TYW3: variants seen among roughly 807,000 people sequenced by gnomAD.
The protein encoded by TYW3 is tRNA-yW synthesizing protein 3 homolog.
Under a neutral mutation model 23.1 loss-of-function variants are expected in TYW3, and 26 were observed. The ratio of observed to expected loss-of-function variants is 1.13; its 90% confidence interval spans 0.83 to 1.56. TYW3 has a LOEUF of 1.56. TYW3 is among the 40% of genes most tolerant of loss of function. The probability of loss-of-function intolerance (pLI) is 0.00; values close to 1 mark genes in which losing one functional copy is unlikely to be tolerated. For synonymous variants in TYW3, 102 were observed against 105.7 expected, an observed-to-expected ratio of 0.97 and a Z score of 0.21; for missense variants, 316 against 311.9, an observed-to-expected ratio of 1.01 and a Z score of -0.10.
At position 74,766,086 on chromosome 1, in the gene TYW3, T is replaced by C. The variant is rs1649297800; in HGVS notation, c.*1973T>C. On this transcript the variant is annotated 3_prime_UTR_variant, in exon 6 of 6. Transcript: ENST00000370867. ...TATAATGGACCTGAAAAATTCCTAT[T>C]GCTAGTGATGTGGTCATTGTAAAGC... 6.6e-6 allele frequency: 1 copy of C among 152,082 alleles called. No individual in the cohort carries two copies. Among genetic ancestry groups the C allele is most frequent in the Non-Finnish European group, 1.5e-5 (1 of 68,024 alleles). 9.4% of individuals were successfully genotyped at this position (152,082 alleles called of 1,614,324 possible).
intron 5 of TYW3, among the ~76,000 whole-genome samples, chr1:74,753,903 T>C (rs1648869086): frequency 6.6e-6 from 1 of 152,214 alleles, no homozygotes; most frequent in African/African-American, 2.4e-5. Flanking sequence ...GAAAAGTCAA[T>C]TCATTACTTA....
At chr1:74,745,988 C>T (rs1177695753) in intron 3 of TYW3, among the ~76,000 whole-genome samples, 1 of 152,176 alleles carries the variant, frequency 6.6e-6, no homozygotes, top group Non-Finnish European at 1.5e-5. Flanking sequence ...TTTCATTTAA[C>T]CTAATTAACA....
At chr1:74,735,289 C>G (rs1648110829) in intron 1 of TYW3, among the ~76,000 whole-genome samples, 1 of 152,056 alleles carries the variant, frequency 6.6e-6, no homozygotes, top group African/African-American at 2.4e-5. Context: ...CTAAACTGTT[C>G]TTTTCATCTT....
chr1:74,741,737 T>C (rs146127212), intron 3 of TYW3, among the ~76,000 whole-genome samples: 4 of 152,318 alleles, frequency 2.6e-5, no homozygotes, highest in African/African-American at 4.8e-5. Flanking sequence ...CAGCATTTCA[T>C]AGGGACTGAG....
At chr1:74,735,881 T>A (rs1406213543) in intron 1 of TYW3, among the ~76,000 whole-genome samples, 1 of 152,228 alleles carries the variant, frequency 6.6e-6, no homozygotes, top group Non-Finnish European at 1.5e-5. Context: ...TGTGGTTTCC[T>A]GCATCCCCTT....
chr1:74,749,693 G>A (rs1010763886), intron 4 of TYW3, among the ~76,000 whole-genome samples: 8 of 152,178 alleles, frequency 5.3e-5, no homozygotes, highest in Non-Finnish European at 1.0e-4. Flanking sequence ...CTGGCCAGGC[G>A]TGGTGGCTCA....
In TYW3 at chr1:74,752,418, A is replaced by G. The variant is rs1417486544; in HGVS notation, c.553A>G (p.Ile185Val). ...AAAAATGGAGGAAAACAAGAAAAGAATTGAGAGGTATATTAATTGGGTATT... is the reference window on the plus strand; with the variant it reads ...AAAAATGGAGGAAAACAAGAAAAGAGTTGAGAGGTATATTAATTGGGTATT... ...NQKMEENKKR[I>V]ERFYNCLQHA... Residue 185 changes from isoleucine to valine, a missense_variant, in exon 5 of 6, where the codon ATT (isoleucine) becomes GTT (valine). Physicochemically the swap from Ile to Val is conservative, Grantham distance 29. Transcript: ENST00000370867. 6.2e-7 allele frequency: 1 copy of G among 1,613,350 alleles called. No individual in the cohort carries two copies. The highest frequency in any genetic ancestry group is 8.5e-7 in the Non-Finnish European group (1 of 1,179,580).
intron 3 of TYW3, chr1:74,748,537 A>G (rs747098772): frequency 2.2e-5 from 11 of 491,868 alleles, no homozygotes; most frequent in East Asian, 3.6e-5. Context: ...CTCTTTCTCA[A>G]TGACACATCC....
chr1:74,743,534 G>C (rs536058357), intron 3 of TYW3, among the ~76,000 whole-genome samples: 2 of 152,130 alleles, frequency 1.3e-5, no homozygotes, highest in African/African-American at 4.8e-5. Context: ...ATAGCCGCTC[G>C]AGGAAGGCAA....
chr1:74,740,543 A>G (rs1035461746), intron 3 of TYW3, among the ~76,000 whole-genome samples: 2 of 152,134 alleles, frequency 1.3e-5, no homozygotes, highest in African/African-American at 4.8e-5. Flanking sequence ...CAGACAGCTG[A>G]TTGGTCCATT....
rs527633378 is a variant in TYW3, at chr1:74,766,059, A to C, written c.*1946A>C. 4.7e-4 allele frequency: 72 copies of C among 152,204 alleles called. No homozygotes were observed. The highest frequency in any genetic ancestry group is 1.7e-3 in the African/African-American group (71 of 41,548). The allele number at this position is 152,204 out of a possible 1,614,324, so 9.4% of individuals were successfully genotyped here. On this transcript the variant is annotated 3_prime_UTR_variant, in exon 6 of 6. Coordinates refer to ENST00000370867, the MANE Select transcript of TYW3 (RefSeq NM_138467.3). ...ATATACGATATGGTGGCCCCATAAGATTATAATGGACCTGAAAAATTCCTA... is the reference window on the plus strand; with the variant it reads ...ATATACGATATGGTGGCCCCATAAGCTTATAATGGACCTGAAAAATTCCTA...
chr1:74,745,011 G>T (rs1056369537), intron 3 of TYW3, among the ~76,000 whole-genome samples: 1 of 152,020 alleles, frequency 6.6e-6, no homozygotes, highest in Non-Finnish European at 1.5e-5. Flanking sequence ...GTCCAGAGTT[G>T]TTTGTTCCTC....
chr1:74,746,490 CT>C (rs1253217138), intron 3 of TYW3, among the ~76,000 whole-genome samples: 1 of 152,228 alleles, frequency 6.6e-6, no homozygotes, highest in Non-Finnish European at 1.5e-5. Context: ...CAGCCATGCT[CT>C]TCTTTGGGCC....
chr1:74,764,398 G>C lies in TYW3; in HGVS notation c.*285G>C, dbSNP rs1649230317. ...CCTGCTTAATAAATCAAAGATGTTT[G>C]AATGGTGTCTTATTCTGAAATAACC... On this transcript the variant is annotated 3_prime_UTR_variant, in exon 6 of 6. Transcript: ENST00000370867. 1 of 265,694 alleles carries C rather than the reference G, an allele frequency of 3.8e-6. No homozygotes were observed. Among genetic ancestry groups the C allele is most frequent in the Non-Finnish European group, 7.0e-6 (1 of 142,258 alleles). The allele number at this position is 265,694 out of a possible 1,614,324, so 16.5% of individuals were successfully genotyped here.
intron 3 of TYW3, among the ~76,000 whole-genome samples, chr1:74,747,689 G>T (rs1648615977): frequency 6.6e-6 from 1 of 151,346 alleles, no homozygotes; most frequent in African/African-American, 2.4e-5. Context: ...GACTGGATGT[G>T]AGTATGTATA....
In TYW3 at chr1:74,733,170, C is replaced by T. The variant is rs543066409; in HGVS notation, c.-75C>T. ...TTTGGACCTTTTCGGCCACCGCTCG[C>T]TTCAATATGGCTGCCCCCAGGGAGA... On this transcript the variant is annotated 5_prime_UTR_variant, in exon 1 of 6. Coordinates refer to ENST00000370867, the MANE Select transcript of TYW3 (RefSeq NM_138467.3). 15 of 1,547,008 alleles carry T rather than the reference C, an allele frequency of 9.7e-6. No individual in the cohort carries two copies. The African/African-American group carries it at 1.8e-4, about 18-fold the overall frequency.
At chr1:74,738,349 C>T (rs1247162953) in intron 2 of TYW3, among the ~76,000 whole-genome samples, 2 of 151,974 alleles carry the variant, frequency 1.3e-5, no homozygotes, top group Admixed American at 6.5e-5. Flanking sequence ...CTCAATCTAA[C>T]AAAAAATTTA....
chr1:74,736,770 C>A (rs1284020658), intron 2 of TYW3, 148 bp downstream of exon 2: 3 of 612,598 alleles, frequency 4.9e-6, no homozygotes, highest in Non-Finnish European at 8.1e-6. Flanking sequence ...ATTACAATGG[C>A]TCTTTTTGGG....
At chr1:74,738,875 A>T in intron 3 of TYW3, 87 bp downstream of exon 3, 2 of 840,950 alleles carry the variant, frequency 2.4e-6, no homozygotes, top group Non-Finnish European at 3.7e-6. Context: ...AATATCAATG[A>T]GATATTACCT....
Sources: allele counts gnomAD v4.1 joint callset (sites outside exome capture counted in the v4.1 genomes callset), GRCh38; gene constraint gnomAD v4.1.1; transcripts MANE v1.5; gene names NCBI Gene and HGNC (gene_info 2026-07-23, HGNC 2026-07-21).